Variants in AKAP10 observed in about 807,000 individuals in gnomAD.
AKAP10 encodes the protein A-kinase anchoring protein 10.
In AKAP10, 24 loss-of-function variants were observed where a neutral mutation model predicts 80.8. The ratio of observed to expected loss-of-function variants is 0.30; its 90% CI spans 0.22 to 0.42. The LOEUF is 0.42. Ranked by LOEUF, AKAP10 falls within the 10% of genes least tolerant of loss-of-function variation. The pLI is 1.00. For synonymous variants in AKAP10, 291 were observed against 277.7 expected (o/e 1.05, Z -0.48); for missense variants, 661 against 794.9 (o/e 0.83, Z 2.03).
intron 5 of AKAP10, among the ~76,000 whole-genome samples, chr17:19,942,799 A>G (rs76310781): frequency 5.3e-5 from 8 of 152,164 alleles, no homozygotes; most frequent in African/African-American, 7.2e-5. Context: ...TCATGAAACC[A>G]AGGGATCATA....
rs147825888 is a variant in AKAP10 at position 19,953,869 on chromosome 17, T to C, written c.877+4145A>G. The stretch of plus-strand genomic sequence containing the variant: ...TAACATGGTGAAACCCTGTCTGCAT[T>C]AAAAATACAAAAATTAGTCGGGCAT... On this transcript the variant is annotated intron_variant, in intron 4 of 14. Transcript: ENST00000225737. Among the ~76,000 whole-genome samples the C allele has an allele frequency of 2.5e-3, 385 of 152,072 alleles. 1 individual carries two copies. The highest frequency in any genetic ancestry group is 8.8e-3 in the African/African-American group (363 of 41,478).
chr17:19,907,905 C>T (rs1309679555), intron 14 of AKAP10, among the ~76,000 whole-genome samples: 7 of 151,602 alleles, frequency 4.6e-5, no homozygotes, highest in Admixed American at 3.3e-4. Flanking sequence ...CTCTTTTTGC[C>T]CAGACCAGAG....
At chr17:19,907,737 A>G (rs1481300967) in intron 14 of AKAP10, among the ~76,000 whole-genome samples, 1 of 151,934 alleles carries the variant, frequency 6.6e-6, no homozygotes, top group African/African-American at 2.4e-5. Flanking sequence ...TAAAATAGCC[A>G]CTTGATGGTC....
At chr17:19,939,955 C>A in intron 7 of AKAP10, 106 bp from the exon 8 acceptor site, 1 of 1,238,958 alleles carries the variant, frequency 8.1e-7, no homozygotes, top group Admixed American at 2.9e-5. Flanking sequence ...AAGCAAAAAA[C>A]AAAAAGATCT....
intron 5 of AKAP10, among the ~76,000 whole-genome samples, chr17:19,946,265 ATATATATATATTT>A (rs2043124889): frequency 1.5e-4 from 4 of 27,458 alleles, no homozygotes; most frequent in African/African-American, 3.3e-4. Flanking sequence ...ATATATATAT[ATATATATATATTT>A]TTTTTTTTTT....
At chr17:19,975,169 G>C (rs756928545) in intron 1 of AKAP10, among the ~76,000 whole-genome samples, 1 of 152,138 alleles carries the variant, frequency 6.6e-6, no homozygotes, top group Non-Finnish European at 1.5e-5. Flanking sequence ...TGGGACCACA[G>C]GTGTGCACCA....
At chr17:19,971,220 C>T (rs564992161) in intron 1 of AKAP10, among the ~76,000 whole-genome samples, 1 of 151,792 alleles carries the variant, frequency 6.6e-6, no homozygotes, top group Non-Finnish European at 1.5e-5. Context: ...TTAAAAATCA[C>T]GCAAATGGCT....
intron 1 of AKAP10, among the ~76,000 whole-genome samples, chr17:19,969,916 T>C (rs368891191): frequency 1.1e-4 from 16 of 152,210 alleles, no homozygotes; most frequent in African/African-American, 3.9e-4. Context: ...CATCTGCCCA[T>C]GGACTACATC....
In AKAP10 at chr17:19,916,913, G is replaced by A. The variant is rs571463270; in HGVS notation, c.1834+3123C>T. On this transcript the variant is annotated intron_variant, in intron 12 of 14. Transcript: ENST00000225737. The stretch of plus-strand genomic sequence containing the variant: ...CATCGTGCCACTACACTCCAGCCCG[G>A]GCGACAGAGCGAGAGTCTGTCTCAA... 2.7e-3 allele frequency among the ~76,000 whole-genome samples: 405 copies of A among 148,550 alleles called. 1 individual carries two copies. The highest frequency in any genetic ancestry group is 8.8e-3 in the African/African-American group (355 of 40,268).
intron 2 of AKAP10, 149 bp from the exon 3 acceptor site, chr17:19,963,171 G>T: frequency 1.8e-5 from 8 of 455,876 alleles, no homozygotes; most frequent in Non-Finnish European, 2.9e-5. Context: ...AAGAGGAAAA[G>T]TAACTTAATC....
intron 5 of AKAP10, among the ~76,000 whole-genome samples, chr17:19,946,174 C>A (rs1462823576): frequency 3.3e-5 from 3 of 92,158 alleles, no homozygotes; most frequent in Non-Finnish European, 6.1e-5. Context: ...ATAATATATA[C>A]TATATATGCA....
chr17:19,964,930 G>A (rs2043398424), intron 2 of AKAP10, among the ~76,000 whole-genome samples: 1 of 152,132 alleles, frequency 6.6e-6, no homozygotes, highest in East Asian at 1.9e-4. Flanking sequence ...AAGTAATTCT[G>A]GCAAATTCAA....
chr17:19,972,516 C>T (rs1174871896), intron 1 of AKAP10, among the ~76,000 whole-genome samples: 18 of 151,762 alleles, frequency 1.2e-4, no homozygotes, highest in African/African-American at 4.4e-4. Context: ...AGTGCAGTGG[C>T]GCGATCTCAG....
chr17:19,968,785 T>G (rs1417329169), intron 1 of AKAP10, among the ~76,000 whole-genome samples: 1 of 152,180 alleles, frequency 6.6e-6, no homozygotes, highest in Non-Finnish European at 1.5e-5. Context: ...TTAATTTTCT[T>G]GATTTATAAA....
At chr17:19,976,059 A>T (rs889444753) in intron 1 of AKAP10, among the ~76,000 whole-genome samples, 2 of 152,224 alleles carry the variant, frequency 1.3e-5, no homozygotes, top group Non-Finnish European at 2.9e-5. Flanking sequence ...TTCAGAGTTC[A>T]ATGGGCCTTT....
chr17:19,952,464 C>CAATAAATA lies in AKAP10; in HGVS notation c.878-4967_878-4960dup, dbSNP rs57806192. ...GGGCAACAAGAGCAAAACTCTGTCT[C>CAATAAATA]AATAAATAAATAAATAAATAAATAA... On this transcript the variant is annotated intron_variant, in intron 4 of 14. Coordinates refer to ENST00000225737, the MANE Select transcript of AKAP10 (RefSeq NM_007202.4). Among the ~76,000 whole-genome samples the CAATAAATA allele has an allele frequency of 4.3e-3, 630 of 148,204 alleles. 2 individuals are homozygous for CAATAAATA. The highest frequency in any genetic ancestry group is 0.01 in the Middle Eastern group (3 of 292).
At chr17:19,910,080 C>A in intron 12 of AKAP10, 102 bp from the exon 13 acceptor site, 2 of 1,175,448 alleles carry the variant, frequency 1.7e-6, no homozygotes, top group South Asian at 2.6e-5. Context: ...GTAATTCCAG[C>A]ACTTTGGGAG....
intron 2 of AKAP10, 133 bp from the exon 3 acceptor site, chr17:19,963,155 ATACTT>A (rs1396072232): frequency 3.1e-6 from 2 of 641,492 alleles, no homozygotes; most frequent in African/African-American, 1.9e-5. Flanking sequence ...TCAGCAAAAA[ATACTT>A]AAGAGGAAAA....
intron 4 of AKAP10, among the ~76,000 whole-genome samples, chr17:19,957,479 G>C (rs892695336): frequency 6.6e-6 from 1 of 151,808 alleles, no homozygotes; most frequent in Admixed American, 6.6e-5. Flanking sequence ...AGGTTGCAGT[G>C]AGCCGAGACC....
Sources: allele counts gnomAD v4.1 joint callset (sites outside exome capture counted in the v4.1 genomes callset), GRCh38; gene constraint gnomAD v4.1.1; transcripts MANE v1.5; gene names NCBI Gene and HGNC (gene_info 2026-07-23, HGNC 2026-07-21).